Variants in NBPF12 observed in about 807,000 individuals in gnomAD.
NBPF12 encodes NBPF family member NBPF12.
A neutral mutation model predicts 146.4 loss-of-function variants in NBPF12; 115 were observed. The observed-to-expected ratio is 0.79, with a 90% CI of 0.68 to 0.92. The LOEUF (loss-of-function observed/expected upper bound fraction) is 0.92. Ranked by LOEUF, NBPF12 falls within the 40% of genes least tolerant of loss-of-function variation. The pLI is 0.00. For synonymous variants in NBPF12, 385 were observed against 508.9 expected, an observed-to-expected ratio of 0.76 and a Z score of 3.28; for missense variants, 1,205 against 1,326.8, an observed-to-expected ratio of 0.91 and a Z score of 1.43.
chr1:146,960,784 G>C (rs1233965768), intron 4 of NBPF12, among the ~76,000 whole-genome samples: 1 of 152,110 alleles, frequency 6.6e-6, no homozygotes, highest in East Asian at 1.9e-4. Context: ...CCCAGTACCT[G>C]CTCTGAGGGG....
At chr1:146,962,063 T>C (rs1655884555) in intron 4 of NBPF12, 98 bp from the exon 8 acceptor site, 2 of 1,058,948 alleles carry the variant, frequency 1.9e-6, no homozygotes, top group East Asian at 4.7e-5. Flanking sequence ...TGGGGAGAGT[T>C]TTGTCCTTGG....
At chr1:146,967,284 C>T (rs1250800048) in intron 9 of NBPF12, among the ~76,000 whole-genome samples, 4 of 150,536 alleles carry the variant, frequency 2.7e-5, no homozygotes, top group Non-Finnish European at 5.9e-5. Flanking sequence ...GAGTAGAGCA[C>T]GAGGTCAGGA....
At chr1:146,969,450 G>C in exon 11 of NBPF12, 1 of 1,435,888 alleles carries the variant, frequency 7.0e-7, no homozygotes, top group Non-Finnish European at 9.8e-7. Flanking sequence ...TTACGGGAAG[G>C]GAGAGATGCC....
chr1:146,977,132 C>G (rs1225861708), intron 17 of NBPF12, 131 bp downstream of exon 20: 29 of 861,294 alleles, frequency 3.4e-5, no homozygotes, highest in African/African-American at 5.1e-5. Flanking sequence ...GAAATATAAC[C>G]CAGCTTAGAC....
At chr1:146,964,709 TC>T (rs1437611637) in intron 7 of NBPF12, among the ~76,000 whole-genome samples, 183 bp from the exon 11 acceptor site, 1 of 151,954 alleles carries the variant, frequency 6.6e-6, no homozygotes, top group Non-Finnish European at 1.5e-5. Flanking sequence ...CCTCTCTGGC[TC>T]CCATGGCAGC....
chr1:146,968,224 TC>T (rs1656332671), intron 9 of NBPF12, among the ~76,000 whole-genome samples: 3 of 151,450 alleles, frequency 2.0e-5, no homozygotes, highest in Admixed American at 2.0e-4. Flanking sequence ...CTTGTCAACT[TC>T]CTTGATGTGC....
intron 1 of NBPF12, among the ~76,000 whole-genome samples, chr1:146,939,564 T>C (rs1654702274): frequency 6.6e-6 from 1 of 151,938 alleles, no homozygotes; most frequent in Admixed American, 6.5e-5. Flanking sequence ...GACTGTGGTG[T>C]TGGTGTTTGC....
chr1:146,962,243 G>C, exon 5 of NBPF12: 3 of 1,605,902 alleles, frequency 1.9e-6, no homozygotes, highest in Non-Finnish European at 1.7e-6. Flanking sequence ...CAGAGCAGCT[G>C]AAACAAGCTG....
At chr1:146,961,982 G>A (rs1655880263) in intron 4 of NBPF12, among the ~76,000 whole-genome samples, 179 bp from the exon 8 acceptor site, 1 of 152,012 alleles carries the variant, frequency 6.6e-6, no homozygotes, top group South Asian at 2.1e-4. Flanking sequence ...TTAAATTTTG[G>A]AGGATCAGAT....
chr1:146,950,035 T>G (rs1438829943), intron 1 of NBPF12, among the ~76,000 whole-genome samples: 1 of 152,100 alleles, frequency 6.6e-6, no homozygotes, highest in African/African-American at 2.4e-5. Context: ...ACAGGAATGG[T>G]GTCTCATCAC....
At chr1:146,966,764 G>A (rs1656240001) in intron 9 of NBPF12, 91 bp downstream of exon 12, 2 of 812,414 alleles carry the variant, frequency 2.5e-6, no homozygotes, top group African/African-American at 1.7e-5. Flanking sequence ...CAAAAATAAT[G>A]TCATCCTCCC....
intron 31 of NBPF12, among the ~76,000 whole-genome samples, chr1:146,992,296 A>T (rs1346513208): frequency 7.4e-6 from 1 of 134,736 alleles, no homozygotes; most frequent in Non-Finnish European, 1.6e-5. Flanking sequence ...ACTGCATGGA[A>T]ACTTGAGCAC....
intron 1 of NBPF12, among the ~76,000 whole-genome samples, chr1:146,942,525 A>T (rs1355607297): frequency 6.6e-6 from 1 of 151,470 alleles, no homozygotes; most frequent in African/African-American, 2.4e-5. Context: ...TATTTGTTAA[A>T]TGAATGAATG....
At chr1:146,982,991 T>G in exon 20 of NBPF12, 1 of 1,609,470 alleles carries the variant, frequency 6.2e-7, no homozygotes, top group South Asian at 1.1e-5. Flanking sequence ...GTTATTCGAC[T>G]CTCTCAATTC....
At chr1:146,940,584 A>G (rs2746938) in intron 1 of NBPF12, among the ~76,000 whole-genome samples, 2 of 149,880 alleles carry the variant, frequency 1.3e-5, no homozygotes, top group South Asian at 2.1e-4. Flanking sequence ...ACAGGTCATG[A>G]GTTTTTACTA....
chr1:146,983,677 TGA>T (rs1371992255), intron 20 of NBPF12, among the ~76,000 whole-genome samples: 3 of 113,688 alleles, frequency 2.6e-5, no homozygotes. Context: ...CCATAATAGC[TGA>T]TGCTTCTGTG....
intron 2 of NBPF12, among the ~76,000 whole-genome samples, chr1:146,958,405 A>T (rs1396204283): frequency 7.9e-6 from 1 of 125,892 alleles, no homozygotes; most frequent in Non-Finnish European, 1.7e-5. Context: ...GTGAAAGTTA[A>T]AATTAGAAAC....
At chr1:146,965,222 A>T in intron 8 of NBPF12, 118 bp downstream of exon 11, 1 of 747,924 alleles carries the variant, frequency 1.3e-6, no homozygotes, top group Non-Finnish European at 2.4e-6. Context: ...GGATGGAGCT[A>T]GGTGCTGTGA....
intron 11 of NBPF12, among the ~76,000 whole-genome samples, chr1:146,970,394 G>A (rs1290803421): frequency 6.6e-6 from 1 of 150,980 alleles, no homozygotes; most frequent in Non-Finnish European, 1.5e-5. Flanking sequence ...GGCTGCACAA[G>A]CCTCCAGTGA....
Sources: gnomAD v4.1 joint callset for allele counts (sites outside exome capture counted in the v4.1 genomes callset) on GRCh38, gnomAD v4.1.1 for gene constraint, MANE v1.5 for transcripts, NCBI Gene and HGNC (gene_info 2026-07-23, HGNC 2026-07-21) for gene names.